SPIDR: variants seen among roughly 807,000 people sequenced by gnomAD.
SPIDR encodes the protein scaffold protein involved in DNA repair.
In SPIDR, 93 loss-of-function variants were observed where a neutral mutation model predicts 104.6. The observed-to-expected ratio is 0.89, with a 90% confidence interval of 0.75 to 1.06. The LOEUF is 1.06. Among genes scored for constraint, SPIDR ranks in the 50% least tolerant of loss-of-function variants. The probability of loss-of-function intolerance (pLI) is 0.00; values close to 1 mark genes in which losing one functional copy is unlikely to be tolerated. For synonymous variants in SPIDR, 431 were observed against 416.9 expected, an observed-to-expected ratio of 1.03 and a Z score of -0.41; for missense variants, 1,154 against 1,111.2, an observed-to-expected ratio of 1.04 and a Z score of -0.55.
At chr8:47,637,944 C>G (rs1262054254) in intron 10 of SPIDR, among the ~76,000 whole-genome samples, 4 of 152,110 alleles carry the variant, frequency 2.6e-5, no homozygotes, top group African/African-American at 9.7e-5. Flanking sequence ...TGTCTCTTCT[C>G]TACTTTTTTT....
intron 8 of SPIDR, among the ~76,000 whole-genome samples, chr8:47,483,406 A>G (rs959784557): frequency 7.9e-5 from 12 of 152,214 alleles, no homozygotes; most frequent in African/African-American, 2.9e-4. Flanking sequence ...CAAACAGGGC[A>G]GGATAAATGC....
intron 8 of SPIDR, among the ~76,000 whole-genome samples, chr8:47,510,621 T>C (rs143186317): frequency 7.2e-5 from 11 of 152,158 alleles, no homozygotes; most frequent in Non-Finnish European, 1.5e-4. Flanking sequence ...TTGTGTATAA[T>C]GTAGTTGCAC....
chr8:47,499,254 T>G lies in SPIDR; in HGVS notation c.1097+58712T>G, dbSNP rs1387712. On this transcript the variant is annotated intron_variant, in intron 8 of 19. Transcript: ENST00000297423. ...CTGTACTGCACTGACATGTAACTAA[T>G]GACAGAAGTTCATGCAAAGTCTATG... Among the ~76,000 whole-genome samples, 465 of 152,330 alleles carry G rather than the reference T, an allele frequency of 3.1e-3. 1 individual carries two copies. Among genetic ancestry groups the G allele is most frequent in the African/African-American group, 0.011 (454 of 41,576 alleles).
chr8:47,593,107 G>A (rs1588159784), intron 8 of SPIDR, among the ~76,000 whole-genome samples: 1 of 152,080 alleles, frequency 6.6e-6, no homozygotes, highest in African/African-American at 2.4e-5. Context: ...GGCTGGTCTC[G>A]AACTCCTGAC....
At chr8:47,562,509 G>A (rs539742162) in intron 8 of SPIDR, among the ~76,000 whole-genome samples, 1 of 152,262 alleles carries the variant, frequency 6.6e-6, no homozygotes, top group African/African-American at 2.4e-5. Context: ...TGGAGGCAAG[G>A]TTCACTGGTA....
At chr8:47,480,173 T>A (rs771099520) in intron 8 of SPIDR, among the ~76,000 whole-genome samples, 1 of 152,174 alleles carries the variant, frequency 6.6e-6, no homozygotes, top group Non-Finnish European at 1.5e-5. Context: ...TGGCCACAGT[T>A]GAATACTGTG....
At chr8:47,643,308 G>A (rs1002211407) in intron 10 of SPIDR, among the ~76,000 whole-genome samples, 3 of 151,966 alleles carry the variant, frequency 2.0e-5, no homozygotes, top group Non-Finnish European at 4.4e-5. Flanking sequence ...TGTAGTATTT[G>A]CCATACTTCT....
At chr8:47,312,920 A>G (rs1180096380) in intron 5 of SPIDR, among the ~76,000 whole-genome samples, 8 of 152,198 alleles carry the variant, frequency 5.3e-5, no homozygotes, top group Non-Finnish European at 1.0e-4. Flanking sequence ...GAAGGGATCC[A>G]GTTTCAGCTT....
chr8:47,589,018 G>GTTTTTTTT (rs1564409706), intron 8 of SPIDR, among the ~76,000 whole-genome samples: 1 of 108,564 alleles, frequency 9.2e-6, no homozygotes, highest in Non-Finnish European at 2.0e-5. Context: ...TTGGTTTATA[G>GTTTTTTTT]TTTGTTTTTT....
intron 10 of SPIDR, among the ~76,000 whole-genome samples, chr8:47,622,140 C>T (rs994265750): frequency 1.3e-5 from 2 of 152,060 alleles, no homozygotes; most frequent in Non-Finnish European, 2.9e-5. Context: ...GCCCTGTCAG[C>T]CCTGCAGGGA....
chr8:47,289,229 T>C (rs1363445370), intron 3 of SPIDR, among the ~76,000 whole-genome samples: 4 of 151,808 alleles, frequency 2.6e-5, no homozygotes, highest in Non-Finnish European at 5.9e-5. Flanking sequence ...TAGGCTGGAG[T>C]TTTTTTTGTT....
rs887701140 is a variant in SPIDR, at chr8:47,279,928, G to C, written c.100G>C (p.Ala34Pro). 12 of 1,613,948 alleles carry C rather than the reference G, an allele frequency of 7.4e-6. No individual in the cohort carries two copies. The Admixed American group carries it at 1.2e-4, about 16-fold the overall frequency. Residue 34 changes from alanine (A) to proline (P), a missense_variant, in exon 2 of 20, where the codon GCA becomes CCA. By Grantham distance (27) the Ala-to-Pro change is conservative (BLOSUM62 -1). Coordinates refer to ENST00000297423, the MANE Select transcript of SPIDR (RefSeq NM_001080394.4). ...PGERPLQVRR[A>P]GLRTAGAAAS... ...AGAAAGACCACTGCAGGTCAGAAGA[G>C]CAGGTCTCAGGACAGCAGGGGCAGC...
chr8:47,724,812 C>T (rs1290096448), intron 16 of SPIDR, among the ~76,000 whole-genome samples: 2 of 152,180 alleles, frequency 1.3e-5, no homozygotes, highest in Non-Finnish European at 2.9e-5. Flanking sequence ...GTCACAAGGC[C>T]TCCTCGTCTC....
chr8:47,440,132 A>T (rs782635995), intron 7 of SPIDR, among the ~76,000 whole-genome samples, 191 bp from the exon 8 acceptor site: 2 of 152,352 alleles, frequency 1.3e-5, no homozygotes, highest in Non-Finnish European at 2.9e-5. Flanking sequence ...ATGCAGGCCT[A>T]TTTTGATTAA....
Position 47,707,162 on chromosome 8 carries a change from G to A in SPIDR, c.1977+5147G>A, listed in dbSNP as rs1436097669. ...CCAGCTACTTGGGAGGCTGAGGCAGGAGAATGGCTTGAACCTGGGAGGCAG... is the reference window on the plus strand; with the variant it reads ...CCAGCTACTTGGGAGGCTGAGGCAGAAGAATGGCTTGAACCTGGGAGGCAG... On this transcript the variant is annotated intron_variant, in intron 14 of 19. Coordinates refer to ENST00000297423, the MANE Select transcript of SPIDR (RefSeq NM_001080394.4). Among the ~76,000 whole-genome samples, 3 of 151,478 alleles carry A rather than the reference G, an allele frequency of 2.0e-5. 1 individual carries two copies. Among genetic ancestry groups the A allele is most frequent in the South Asian group, 4.2e-4 (2 of 4,796 alleles).
rs916096346 is a variant in SPIDR at position 47,321,028 on chromosome 8, T to G, written c.525+26998T>G. Among the ~76,000 whole-genome samples the G allele has an allele frequency of 2.4e-4, 36 of 152,158 alleles. 1 individual carries two copies. Among genetic ancestry groups the G allele is most frequent in the Non-Finnish European group, 3.5e-4 (24 of 68,030 alleles). On this transcript the variant is annotated intron_variant, in intron 5 of 19. Coordinates refer to ENST00000297423, the MANE Select transcript of SPIDR (RefSeq NM_001080394.4). ...AACTGGAAGCATTCCCTTTGAAAAC[T>G]GGCACAAGACAGGGATGCCCTCTCT...
intron 8 of SPIDR, among the ~76,000 whole-genome samples, chr8:47,485,575 C>T (rs58828084): frequency 0.091 from 13,808 of 152,236 alleles, 826 homozygotes; most frequent in African/African-American, 0.17. Flanking sequence ...CCTTGACCCC[C>T]GAGTAGCCTA....
At chr8:47,452,395 C>T (rs1428652956) in intron 8 of SPIDR, among the ~76,000 whole-genome samples, 1 of 152,226 alleles carries the variant, frequency 6.6e-6, no homozygotes, top group Non-Finnish European at 1.5e-5. Flanking sequence ...CAAAGCCTGG[C>T]AGAGACACAA....
chr8:47,511,927 G>C, intron 8 of SPIDR: 1 of 792,408 alleles, frequency 1.3e-6, no homozygotes, highest in Non-Finnish European at 2.3e-6. Flanking sequence ...TCTAAAGGAT[G>C]TCACTCTATT....
Sources: gnomAD v4.1 joint callset for allele counts (sites outside exome capture counted in the v4.1 genomes callset) on GRCh38, gnomAD v4.1.1 for gene constraint, MANE v1.5 for transcripts, NCBI Gene and HGNC (gene_info 2026-07-23, HGNC 2026-07-21) for gene names.